Variants in ATAD2 observed in about 807,000 individuals in gnomAD.
The protein encoded by ATAD2 is ATPase family AAA domain containing 2.
ATAD2 carries 62 observed loss-of-function variants against 168.9 expected under a neutral mutation model. The ratio of observed to expected loss-of-function variants is 0.37; its 90% CI spans 0.30 to 0.45. The LOEUF is 0.45. Ranked by LOEUF, ATAD2 falls within the 20% of genes least tolerant of loss-of-function variation. ATAD2 has a pLI of 1.00. For synonymous variants in ATAD2, 613 were observed against 571.6 expected (o/e 1.07, Z -1.03); for missense variants, 1,419 against 1,667.8 (o/e 0.85, Z 2.60).
At chr8:123,401,772 C>T in intron 1 of ATAD2, 1 of 750,396 alleles carries the variant, frequency 1.3e-6, no homozygotes, top group Non-Finnish European at 2.4e-6. Context: ...GAATAGTTCT[C>T]AGATGGGGTG....
At chr8:123,328,103 A>G (rs1188323522) in intron 25 of ATAD2, 87 bp downstream of exon 25, 12 of 1,118,188 alleles carry the variant, frequency 1.1e-5, no homozygotes, top group Non-Finnish European at 1.4e-5. Context: ...GCAAGCAAAA[A>G]GCAATAAACT....
rs746639227 is a variant in ATAD2 at position 123,334,306 on chromosome 8, A to T, written c.3228T>A (p.His1076Gln). Residue 1076 changes from histidine to glutamine, a missense_variant, in exon 23 of 28, where the codon CAT (histidine) becomes CAA (glutamine). His to Gln is a conservative substitution (Grantham distance 24, BLOSUM62 0). Transcript: ENST00000287394. The stretch of plus-strand genomic sequence containing the variant: ...CAGTATCTCTTAAAGCACAGGCTCT[A>T]TGCCTAATAAGACGATCTATGAAGT... ...DRDPGDRLIR[H>Q]RACALRDTAY... The T allele has an allele frequency of 1.3e-6, 2 of 1,567,590 alleles. No individual in the cohort carries two copies. Among genetic ancestry groups the T allele is most frequent in the East Asian group, 4.5e-5 (2 of 44,490 alleles).
intron 1 of ATAD2, among the ~76,000 whole-genome samples, chr8:123,395,812 G>A (rs1251946789): frequency 1.3e-5 from 2 of 152,144 alleles, no homozygotes; most frequent in African/African-American, 2.4e-5. Context: ...GGGGATGCGT[G>A]TTGCCTCCAG....
At chr8:123,397,566 G>C (rs1049529133), upstream of ATAD2, among the ~76,000 whole-genome samples, 1 of 152,146 alleles carries the variant, frequency 6.6e-6, no homozygotes, top group Non-Finnish European at 1.5e-5. Flanking sequence ...GGCTCTTAGC[G>C]AAATAAACGA....
At chr8:123,380,798 T>C (rs1026459327) in intron 1 of ATAD2, 121 bp from the exon 2 acceptor site, 15 of 912,072 alleles carry the variant, frequency 1.6e-5, no homozygotes, top group Admixed American at 2.8e-5. Flanking sequence ...AGAATCATTT[T>C]GTATCTCCCC....
chr8:123,357,404 T>C (rs965414391), intron 12 of ATAD2, among the ~76,000 whole-genome samples, 158 bp downstream of exon 12: 7 of 152,226 alleles, frequency 4.6e-5, no homozygotes, highest in African/African-American at 1.7e-4. Flanking sequence ...TGTAGGTCAG[T>C]GTCATCTCGA....
At chr8:123,368,607 A>G (rs923752301) in intron 8 of ATAD2, among the ~76,000 whole-genome samples, 2 of 152,250 alleles carry the variant, frequency 1.3e-5, no homozygotes, top group African/African-American at 4.8e-5. Context: ...CCAGAAAAAG[A>G]TAACCAGAGT....
At chr8:123,385,211 C>A (rs1395263116) in intron 1 of ATAD2, among the ~76,000 whole-genome samples, 1 of 151,950 alleles carries the variant, frequency 6.6e-6, no homozygotes, top group Non-Finnish European at 1.5e-5. Flanking sequence ...GACTGTCTTA[C>A]ATATAGTAGA....
rs769129143 is a variant in ATAD2, at chr8:123,371,355, T to A, written c.537-17A>T. 6.4e-7 allele frequency: 1 copy of A among 1,553,054 alleles called. No individual in the cohort carries two copies. Among genetic ancestry groups the A allele is most frequent in the Admixed American group, 2.1e-5 (1 of 48,236 alleles). ...TCAGCAGTGCTTTAAAAAAAAGATA[T>A]AAATGTAAGTGAAAATTGTAAAAGA... On this transcript the variant is annotated splice_polypyrimidine_tract_variant and intron_variant, in intron 4 of 27. Coordinates refer to ENST00000287394, the MANE Select transcript of ATAD2 (RefSeq NM_014109.4).
intron 8 of ATAD2, among the ~76,000 whole-genome samples, chr8:123,363,053 CAA>C (rs1828871013): frequency 6.6e-6 from 1 of 152,148 alleles, no homozygotes; most frequent in African/African-American, 2.4e-5. Flanking sequence ...ACAGAAAAAA[CAA>C]AGAGTCTGGT....
chr8:123,330,773 G>A (rs1319977010), intron 24 of ATAD2, among the ~76,000 whole-genome samples: 1 of 152,082 alleles, frequency 6.6e-6, no homozygotes, highest in Non-Finnish European at 1.5e-5. Flanking sequence ...TTCTTGAATT[G>A]TATTAGAGTC....
chr8:123,397,510 G>C (rs1422309995), upstream of ATAD2, among the ~76,000 whole-genome samples: 1 of 152,156 alleles, frequency 6.6e-6, no homozygotes, highest in Non-Finnish European at 1.5e-5. Flanking sequence ...GCAGTTACTT[G>C]ACTACTTTGA....
intron 19 of ATAD2, among the ~76,000 whole-genome samples, chr8:123,339,908 T>A (rs77696406): frequency 1.3e-5 from 2 of 151,876 alleles, no homozygotes; most frequent in South Asian, 4.2e-4. Flanking sequence ...TTTTTTTTTT[T>A]AAGAGACAAG....
upstream of ATAD2, chr8:123,400,593 G>T: frequency 1.8e-6 from 1 of 561,182 alleles, no homozygotes; most frequent in South Asian, 1.6e-5. This position sits in a 1 kb window ranked among gnomAD's most constrained non-coding sequence, Gnocchi z 4.5. Flanking sequence ...ACTACCTGAT[G>T]AGCCAGGGCA....
chr8:123,394,623 A>G (rs1315261404), intron 1 of ATAD2, among the ~76,000 whole-genome samples: 1 of 152,062 alleles, frequency 6.6e-6, no homozygotes, highest in Non-Finnish European at 1.5e-5. Context: ...TGAGAGAGTG[A>G]GACTCTGTCT....
intron 13 of ATAD2, 62 bp downstream of exon 13, chr8:123,356,327 C>G (rs1828645076): frequency 7.3e-7 from 1 of 1,364,446 alleles, no homozygotes; most frequent in African/African-American, 1.5e-5. Flanking sequence ...TTCTATCTCT[C>G]ACACATCAAT....
At chr8:123,346,484 C>A (rs1828247079) in intron 17 of ATAD2, 134 bp downstream of exon 17, 5 of 1,071,182 alleles carry the variant, frequency 4.7e-6, no homozygotes, top group Non-Finnish European at 5.1e-6. Context: ...ACAACTGTAA[C>A]AACAAAAAAT....
intron 1 of ATAD2, among the ~76,000 whole-genome samples, chr8:123,404,366 G>A (rs936999844): frequency 6.6e-6 from 1 of 152,146 alleles, no homozygotes; most frequent in Non-Finnish European, 1.5e-5. Flanking sequence ...CAAAATCAAG[G>A]TGTTGGCCAT....
intron 1 of ATAD2, among the ~76,000 whole-genome samples, chr8:123,407,129 T>C (rs1039165742): frequency 2.6e-5 from 4 of 152,128 alleles, no homozygotes; most frequent in African/African-American, 9.7e-5. Flanking sequence ...ATGCCAAGGT[T>C]TGCCAGCAAC....
Sources: gnomAD v4.1 joint callset for allele counts (sites outside exome capture counted in the v4.1 genomes callset) on GRCh38, gnomAD v4.1.1 for gene constraint, Gnocchi (gnomAD v3.1) non-coding constraint, MANE v1.5 for transcripts, NCBI Gene and HGNC (gene_info 2026-07-23, HGNC 2026-07-21) for gene names.